KCNU1: variants seen among roughly 807,000 people sequenced by gnomAD.
KCNU1 encodes potassium channel subfamily U member 1.
Under a neutral mutation model 126.8 loss-of-function variants are expected in KCNU1, and 93 were observed. The observed-to-expected ratio is 0.73, with a 90% CI of 0.62 to 0.87. The LOEUF is 0.87. Among genes scored for constraint, KCNU1 ranks in the 40% least tolerant of loss-of-function variants. The probability of loss-of-function intolerance (pLI) is 0.00; values close to 1 mark genes in which losing one functional copy is unlikely to be tolerated. For missense variants in KCNU1, 1,330 were observed against 1,367.1 expected, an observed-to-expected ratio of 0.97 and a Z score of 0.43; for synonymous variants, 523 against 494.2, an observed-to-expected ratio of 1.06 and a Z score of -0.77.
chr8:36,790,233 TAAC>T (rs1802855956), intron 2 of KCNU1, among the ~76,000 whole-genome samples: 1 of 152,072 alleles, frequency 6.6e-6, no homozygotes, highest in Non-Finnish European at 1.5e-5. Flanking sequence ...AAAGAAGATA[TAAC>T]ATCATTAACA....
In KCNU1 at chr8:36,839,325, C is replaced by T. The variant is rs576129797; in HGVS notation, c.1519-1138C>T. ...GTTTTCCTTTCTGATCTTTTTAAAT[C>T]TATCTCTGGAACTCTTCTCCATCCC... On this transcript the variant is annotated intron_variant, in intron 14 of 26. Coordinates refer to ENST00000399881, the MANE Select transcript of KCNU1 (RefSeq NM_001031836.3). 6.8e-4 allele frequency among the ~76,000 whole-genome samples: 104 copies of T among 152,296 alleles called. 1 individual carries two copies. Among genetic ancestry groups the T allele is most frequent in the African/African-American group, 2.5e-3 (103 of 41,554 alleles).
chr8:36,913,067 T>G (rs557834415), intron 22 of KCNU1, among the ~76,000 whole-genome samples: 1 of 152,016 alleles, frequency 6.6e-6, no homozygotes, highest in South Asian at 2.1e-4. Flanking sequence ...GTTGATGGTC[T>G]AGGTGAATAG....
At chr8:36,832,597 G>A (rs1585430280) in intron 10 of KCNU1, among the ~76,000 whole-genome samples, 1 of 151,772 alleles carries the variant, frequency 6.6e-6, no homozygotes, top group East Asian at 1.9e-4. Context: ...TTCAATATTT[G>A]CATCATTTTT....
At chr8:36,824,930 G>A (rs1804261775) in intron 10 of KCNU1, among the ~76,000 whole-genome samples, 1 of 152,114 alleles carries the variant, frequency 6.6e-6, no homozygotes, top group Non-Finnish European at 1.5e-5. Flanking sequence ...CTATTATAAA[G>A]AATGGTGCTG....
At chr8:36,826,308 C>G (rs1173893847) in intron 10 of KCNU1, among the ~76,000 whole-genome samples, 1 of 152,012 alleles carries the variant, frequency 6.6e-6, no homozygotes, top group Non-Finnish European at 1.5e-5. Flanking sequence ...CTCCCGGGTT[C>G]AAGTGATTCT....
At position 36,806,390 on chromosome 8, in the gene KCNU1, C is replaced by A; in HGVS notation, c.580+10C>A. ...AAGAGCAATTGGCTAGGTAAGTGTG[C>A]TCTGGGAACGGGTAGCAATATCTAT... On this transcript the variant is annotated intron_variant, in intron 5 of 26. Transcript: ENST00000399881. 7.1e-7 allele frequency: 1 copy of A among 1,412,626 alleles called. No homozygotes were observed. Among genetic ancestry groups the A allele is most frequent in the East Asian group, 2.3e-5 (1 of 43,118 alleles). The allele number at this position is 1,412,626 out of a possible 1,614,324, so 87.5% of individuals were successfully genotyped here. A position where few individuals can be genotyped will look rare whatever the true frequency, so the allele number is the denominator to read the frequency against.
intron 2 of KCNU1, among the ~76,000 whole-genome samples, chr8:36,798,107 T>G (rs1233414614): frequency 6.6e-6 from 1 of 152,100 alleles, no homozygotes; most frequent in African/African-American, 2.4e-5. Flanking sequence ...TTGTTTCCAT[T>G]TTTTTTTCTT....
chr8:36,787,569 A>G (rs1361134986), intron 2 of KCNU1, 144 bp downstream of exon 2: 3 of 582,056 alleles, frequency 5.2e-6, no homozygotes, highest in Non-Finnish European at 8.2e-6. Flanking sequence ...CCCCATCCCC[A>G]TCTCCTTGTG....
intron 21 of KCNU1, 80 bp from the exon 22 acceptor site, chr8:36,910,850 C>A: frequency 2.0e-6 from 2 of 1,008,102 alleles, no homozygotes; most frequent in East Asian, 2.5e-5. Flanking sequence ...TTACATCACT[C>A]ACAAAGAGCC....
At chr8:36,916,525 C>T (rs1808117746) in intron 22 of KCNU1, among the ~76,000 whole-genome samples, 1 of 151,922 alleles carries the variant, frequency 6.6e-6, no homozygotes, top group Non-Finnish European at 1.5e-5. Flanking sequence ...GATAAGGCAT[C>T]TTAATCTGAG....
At chr8:36,815,051 C>T (rs1051570941) in intron 8 of KCNU1, among the ~76,000 whole-genome samples, 79 of 152,248 alleles carry the variant, frequency 5.2e-4, no homozygotes, top group African/African-American at 1.8e-3. Context: ...AAAAAGAGGG[C>T]CAGGCACAGT....
chr8:36,872,581 G>A (rs902902181), intron 19 of KCNU1, among the ~76,000 whole-genome samples: 1 of 152,086 alleles, frequency 6.6e-6, no homozygotes, highest in Non-Finnish European at 1.5e-5. Flanking sequence ...CAATCTCATA[G>A]AAATGATGAG....
chr8:36,930,887 T>G lies in KCNU1; in HGVS notation c.2737-64T>G, dbSNP rs559697745. On this transcript the variant is annotated intron_variant, in intron 24 of 26. Coordinates refer to ENST00000399881, the MANE Select transcript of KCNU1 (RefSeq NM_001031836.3). ...AATGCCCACTAAATCTCCAAGCCTT[T>G]ACCCCTCCACAGTTCACATATTGGC... The G allele has an allele frequency of 1.2e-3, 1,408 of 1,174,606 alleles. 20 individuals carry two copies. In the African/African-American group the frequency reaches 0.02, roughly 17 times the overall value. 72.8% of individuals were successfully genotyped at this position (1,174,606 alleles called of 1,614,324 possible). A position where few individuals can be genotyped will look rare whatever the true frequency, so the allele number is the denominator to read the frequency against.
intron 23 of KCNU1, 65 bp downstream of exon 23, chr8:36,918,962 AG>A: frequency 6.6e-6 from 7 of 1,062,214 alleles, no homozygotes; most frequent in Non-Finnish European, 7.3e-6. Context: ...TTATGTTCCA[AG>A]GATCTTTTTA....
At chr8:36,878,455 T>C (rs1199338646) in intron 19 of KCNU1, among the ~76,000 whole-genome samples, 1 of 152,170 alleles carries the variant, frequency 6.6e-6, no homozygotes, top group South Asian at 2.1e-4. Flanking sequence ...TGGTTGTCCC[T>C]GTGCTGAAGT....
chr8:36,889,111 T>C (rs1452879202), intron 19 of KCNU1: 1 of 531,924 alleles, frequency 1.9e-6, no homozygotes, highest in Non-Finnish European at 3.8e-6. Context: ...ACTCCTGACC[T>C]CAAGTGATCC....
rs531374832 is a variant in KCNU1, at chr8:36,934,264, T to C, written c.3044+1232T>C. ...CTGAATGCTGGAGTTGTAAACCACA[T>C]AGACACTGTAGGCATGTAAAAAGAT... On this transcript the variant is annotated intron_variant, in intron 26 of 26. Transcript: ENST00000399881. 6.6e-5 allele frequency among the ~76,000 whole-genome samples: 10 copies of C among 152,200 alleles called. No homozygotes were observed. The East Asian group carries it at 1.6e-3, about 24-fold the overall frequency.
chr8:36,910,643 C>T (rs537223917), intron 21 of KCNU1, among the ~76,000 whole-genome samples: 81 of 152,290 alleles, frequency 5.3e-4, no homozygotes, highest in Non-Finnish European at 1.1e-3. Flanking sequence ...CTCTCTTCTT[C>T]CACCTGAGTC....
intron 7 of KCNU1, 56 bp downstream of exon 7, chr8:36,808,849 T>G: frequency 7.6e-7 from 1 of 1,312,138 alleles, no homozygotes; most frequent in Non-Finnish European, 1.1e-6. Context: ...ATCCATTTTT[T>G]GAAAAATGGA....
Sources: allele counts gnomAD v4.1 joint callset (sites outside exome capture counted in the v4.1 genomes callset), GRCh38; gene constraint gnomAD v4.1.1; transcripts MANE v1.5; gene names NCBI Gene and HGNC (gene_info 2026-07-23, HGNC 2026-07-21).